The following FAM135B variants were observed in gnomAD, a reference collection of about 807,000 sequenced individuals.
The protein encoded by FAM135B is family with sequence similarity 135 member B, also known as protein FAM135B.
FAM135B carries 43 observed loss-of-function variants against 127.7 expected under a neutral mutation model. The observed-to-expected ratio is 0.34, with a 90% CI of 0.26 to 0.43. The LOEUF (loss-of-function observed/expected upper bound fraction) is 0.43. FAM135B is among the 20% of genes least tolerant of loss of function. FAM135B has a pLI of 1.00. For missense variants in FAM135B, 1,558 were observed against 1,725.6 expected (o/e 0.90, Z 1.72); for synonymous variants, 670 against 665.1 (o/e 1.01, Z -0.11).
At chr8:138,338,469 C>T (rs1828785303) in intron 2 of FAM135B, among the ~76,000 whole-genome samples, 2 of 152,054 alleles carry the variant, frequency 1.3e-5, no homozygotes, top group South Asian at 2.1e-4. Flanking sequence ...AGACACTTCT[C>T]AAAAGAAGAC....
chr8:138,461,013 A>G (rs1261315714), intron 1 of FAM135B, among the ~76,000 whole-genome samples: 4 of 152,298 alleles, frequency 2.6e-5, no homozygotes, highest in African/African-American at 9.6e-5. Flanking sequence ...TTCTCTTCCA[A>G]TCCACAGCAA....
At chr8:138,176,513 C>A (rs1814484202) in intron 11 of FAM135B, among the ~76,000 whole-genome samples, 1 of 152,164 alleles carries the variant, frequency 6.6e-6, no homozygotes, top group South Asian at 2.1e-4. Context: ...CTGTGCTTTC[C>A]TTGGTGCCAC....
upstream of FAM135B, among the ~76,000 whole-genome samples, chr8:138,497,268 C>T (rs1815435280): frequency 2.0e-5 from 3 of 150,338 alleles, no homozygotes; most frequent in African/African-American, 7.3e-5. Context: ...GACTGGCTGG[C>T]GGCGCGGCTC....
chr8:138,360,853 G>C (rs1303158870), intron 2 of FAM135B, among the ~76,000 whole-genome samples: 1 of 151,908 alleles, frequency 6.6e-6, no homozygotes, highest in East Asian at 1.9e-4. Context: ...TTAAAACACG[G>C]TCTCCTAAGC....
intron 7 of FAM135B, among the ~76,000 whole-genome samples, chr8:138,209,591 TA>T (rs1371127414): frequency 1.3e-5 from 2 of 152,158 alleles, no homozygotes; most frequent in Non-Finnish European, 2.9e-5. Flanking sequence ...GAGCCAGGCA[TA>T]GCATGTTGAT....
chr8:138,299,886 G>GAAATTTTAATATAATTAAAATTGGT (rs1825752687), intron 3 of FAM135B, among the ~76,000 whole-genome samples: 1 of 152,096 alleles, frequency 6.6e-6, no homozygotes, highest in Admixed American at 6.6e-5. Flanking sequence ...TCATTTGTGG[G>GAAATTTTAATATAATTAAAATTGGT]AAATTTTAAT....
intron 1 of FAM135B, among the ~76,000 whole-genome samples, chr8:138,390,869 G>T (rs974608069): frequency 6.6e-6 from 1 of 152,104 alleles, no homozygotes; most frequent in Non-Finnish European, 1.5e-5. Flanking sequence ...TAGCAAATTT[G>T]CAATTTGGAA....
In FAM135B at chr8:138,442,236, C is replaced by CTATATA. The variant is rs1564005402; in HGVS notation, c.-20+54434_-20+54435insTATATA. On this transcript the variant is annotated intron_variant, in intron 1 of 19. Transcript: ENST00000395297. ...AAATTTAACGTGAAGAATATGGACA[C>CTATATA]CATATATATATATATATATATATAT... Among the ~76,000 whole-genome samples the CTATATA allele has an allele frequency of 4.5e-3, 59 of 13,100 alleles. 4 individuals are homozygous for CTATATA. Among genetic ancestry groups the CTATATA allele is most frequent in the Middle Eastern group, 0.038 (1 of 26 alleles). 8.6% of individuals were successfully genotyped at this position (13,100 alleles called of 152,430 possible). A position where few individuals can be genotyped will look rare whatever the true frequency, so the allele number is the denominator to read the frequency against.
intron 1 of FAM135B, among the ~76,000 whole-genome samples, chr8:138,449,613 T>C (rs1012748536): frequency 9.2e-5 from 14 of 152,188 alleles, no homozygotes; most frequent in African/African-American, 3.4e-4. Flanking sequence ...TGGAAGCCTA[T>C]TTAAGCTACA....
chr8:138,412,424 T>A (rs934913954), intron 1 of FAM135B, among the ~76,000 whole-genome samples: 1 of 152,170 alleles, frequency 6.6e-6, no homozygotes, highest in African/African-American at 2.4e-5. Flanking sequence ...GGTAATTTGT[T>A]ACACAGCAGA....
intron 9 of FAM135B, among the ~76,000 whole-genome samples, chr8:138,186,815 C>T (rs1328366044): frequency 2.6e-5 from 4 of 152,204 alleles, no homozygotes; most frequent in Admixed American, 6.5e-5. Flanking sequence ...TGGCAGCCTG[C>T]GTCCTAACCC....
chr8:138,183,726 C>T (rs564305001), intron 9 of FAM135B, among the ~76,000 whole-genome samples: 12 of 152,222 alleles, frequency 7.9e-5, no homozygotes, highest in Admixed American at 5.2e-4. Context: ...CCAAGGGTGA[C>T]GTGGATGAAA....
rs576611715 is a variant in FAM135B at position 138,150,325 on chromosome 8, G to T, written c.3281+869C>A. On this transcript the variant is annotated intron_variant, in intron 13 of 19. Coordinates refer to ENST00000395297, the MANE Select transcript of FAM135B (RefSeq NM_015912.4). Reference sequence around the variant, plus strand: ...GAACTCCCCTTTCAAAACATGAAAAGGTAGAGGTACAATGATATTCATAAG... The same window carrying T: ...GAACTCCCCTTTCAAAACATGAAAATGTAGAGGTACAATGATATTCATAAG... 4.1e-4 allele frequency among the ~76,000 whole-genome samples: 63 copies of T among 152,256 alleles called. No individual in the cohort carries two copies. In the South Asian group the frequency reaches 0.013, roughly 31 times the overall value.
In FAM135B at chr8:138,274,521, G is replaced by A. The variant is rs139243634; in HGVS notation, c.158-8679C>T. Among the ~76,000 whole-genome samples, 141 of 152,302 alleles carry A rather than the reference G, an allele frequency of 9.3e-4. 1 individual carries two copies. Among genetic ancestry groups the A allele is most frequent in the African/African-American group, 2.8e-3 (118 of 41,566 alleles). ...TGCTAATGAAGTTTCAGGCACCATT[G>A]TCATTGATGACATCTTATCAGGAGA... On this transcript the variant is annotated intron_variant, in intron 3 of 19. Coordinates refer to ENST00000395297, the MANE Select transcript of FAM135B (RefSeq NM_015912.4).
chr8:138,397,565 C>A (rs183261839), intron 1 of FAM135B, among the ~76,000 whole-genome samples: 1 of 152,266 alleles, frequency 6.6e-6, no homozygotes, highest in African/African-American at 2.4e-5. Flanking sequence ...ATGCACACAT[C>A]CCATAACTCA....
chr8:138,216,733 TAG>T (rs1464530755), intron 7 of FAM135B, among the ~76,000 whole-genome samples: 1 of 152,198 alleles, frequency 6.6e-6, no homozygotes. Context: ...GGTTGCTCAT[TAG>T]AGAGTGAAAA....
At chr8:138,491,928 T>A (rs913917857) in intron 1 of FAM135B, among the ~76,000 whole-genome samples, 2 of 151,720 alleles carry the variant, frequency 1.3e-5, no homozygotes, top group African/African-American at 4.8e-5. Flanking sequence ...TAGAGGTGAG[T>A]GGCTGTGGAG....
At chr8:138,211,961 G>A (rs577025484) in intron 7 of FAM135B, among the ~76,000 whole-genome samples, 3 of 152,222 alleles carry the variant, frequency 2.0e-5, no homozygotes, top group East Asian at 1.9e-4. Context: ...TCAGCTACTC[G>A]GGAGGCTGAG....
intron 7 of FAM135B, among the ~76,000 whole-genome samples, chr8:138,214,257 C>G (rs1332024791): frequency 6.6e-6 from 1 of 152,186 alleles, no homozygotes; most frequent in African/African-American, 2.4e-5. Context: ...AGGTAATAAA[C>G]AGTTCTATCA....
Sources: allele counts gnomAD v4.1 joint callset (sites outside exome capture counted in the v4.1 genomes callset), GRCh38; gene constraint gnomAD v4.1.1; transcripts MANE v1.5; gene names NCBI Gene and HGNC (gene_info 2026-07-23, HGNC 2026-07-21).